The following MROH9 variants were observed in gnomAD, a reference collection of about 807,000 sequenced individuals.
MROH9 encodes the protein maestro heat like repeat family member 9.
A neutral mutation model predicts 98.2 loss-of-function variants in MROH9; 92 were observed. That is an observed-to-expected ratio of 0.94 (90% CI 0.79 to 1.11). The LOEUF is 1.11. MROH9 is among the 50% of genes most tolerant of loss of function. The probability of loss-of-function intolerance (pLI) is 0.00; values close to 1 mark genes in which losing one functional copy is unlikely to be tolerated. For missense variants in MROH9, 1,057 were observed against 1,014.8 expected, an observed-to-expected ratio of 1.04 and a Z score of -0.57; for synonymous variants, 397 against 368.9, an observed-to-expected ratio of 1.08 and a Z score of -0.87.
chr1:170,967,361 T>A (rs2050150), intron 7 of MROH9, among the ~76,000 whole-genome samples: 129,168 of 152,196 alleles, frequency 0.85, 55,245 homozygotes, highest in Middle Eastern at 0.98. Context: ...CTTTAAAATA[T>A]TGTCTTGTAA....
In MROH9 at chr1:170,947,593, G is replaced by C. The variant is rs752148352; in HGVS notation, c.72+20G>C. 2.5e-6 allele frequency: 4 copies of C among 1,585,184 alleles called. No individual in the cohort carries two copies. The highest frequency in any genetic ancestry group is 3.5e-6 in the Non-Finnish European group (4 of 1,156,286). ...CACATGGTAAGTGATATTCTATAAG[G>C]ATATCAACGTAACTGAATTCTCTTG... On this transcript the variant is annotated intron_variant, in intron 3 of 21. Transcript: ENST00000367759.
intron 8 of MROH9, among the ~76,000 whole-genome samples, chr1:170,979,747 A>G (rs935909494): frequency 6.6e-6 from 1 of 152,200 alleles, no homozygotes; most frequent in African/African-American, 2.4e-5. Flanking sequence ...AAAGACCCAT[A>G]TTCAAAGTTC....
chr1:170,988,500 A>G lies in MROH9; in HGVS notation c.880-1355A>G, dbSNP rs28378010. ...GAAGGCTTACCAAGTCCCTGAGAGA[A>G]AGAGAGACCAAACAGAAAACTAGAT... On this transcript the variant is annotated intron_variant, in intron 10 of 21. Transcript: ENST00000367759. 9.9e-3 allele frequency among the ~76,000 whole-genome samples: 1,501 copies of G among 152,280 alleles called. 22 individuals are homozygous for G. The highest frequency in any genetic ancestry group is 0.035 in the African/African-American group (1,434 of 41,556).
chr1:170,987,009 C>T (rs751751979), intron 10 of MROH9, among the ~76,000 whole-genome samples: 1 of 151,660 alleles, frequency 6.6e-6, no homozygotes, highest in African/African-American at 2.4e-5. Context: ...TACCACCACA[C>T]CCGGCTAATT....
chr1:170,968,748 C>CA (rs927042317), intron 7 of MROH9, among the ~76,000 whole-genome samples: 1 of 149,316 alleles, frequency 6.7e-6, no homozygotes, highest in African/African-American at 2.5e-5. Context: ...ACCCCATCTC[C>CA]AAAAAAAGTA....
chr1:171,007,058 G>A (rs1333196605), intron 15 of MROH9, among the ~76,000 whole-genome samples: 1 of 152,116 alleles, frequency 6.6e-6, no homozygotes, highest in Non-Finnish European at 1.5e-5. Flanking sequence ...TTTTGCATTG[G>A]TTTCTGTGTA....
chr1:171,027,777 G>T (rs1281563838), intron 20 of MROH9, among the ~76,000 whole-genome samples: 1 of 152,104 alleles, frequency 6.6e-6, no homozygotes, highest in Non-Finnish European at 1.5e-5. Flanking sequence ...TCTCATTATA[G>T]TTTGATTTGC....
At chr1:171,049,358 C>T (rs1284179829) in intron 20 of MROH9, among the ~76,000 whole-genome samples, 1 of 152,182 alleles carries the variant, frequency 6.6e-6, no homozygotes, top group African/African-American at 2.4e-5. Flanking sequence ...CTAAGAGGGT[C>T]TCTGGGTGCC....
Position 171,013,829 on chromosome 1 carries a change from A to T in MROH9, c.1597-288A>T, listed in dbSNP as rs16863937. 8.0e-3 allele frequency among the ~76,000 whole-genome samples: 1,214 copies of T among 151,832 alleles called. 17 individuals carry two copies. The highest frequency in any genetic ancestry group is 0.028 in the African/African-American group (1,155 of 41,394). On this transcript the variant is annotated intron_variant, in intron 15 of 21. Coordinates refer to ENST00000367759, the MANE Select transcript of MROH9 (RefSeq NM_001163629.2). ...CAATCAGTATGATGGGGAAATTTAA[A>T]TTGGGTCACTCAGTTTCCAACAATG...
In MROH9 at chr1:171,016,202, G is replaced by T. The variant is rs967873936; in HGVS notation, c.1774G>T (p.Ala592Ser). 6.5e-7 allele frequency: 1 copy of T among 1,534,084 alleles called. No individual in the cohort carries two copies. The highest frequency in any genetic ancestry group is 2.1e-5 in the Admixed American group (1 of 47,766). Residue 592 changes from alanine to serine, a missense_variant, in exon 17 of 22, where the codon GCC becomes TCC. Physicochemically the swap from Ala to Ser is moderately conservative, Grantham distance 99. Coordinates refer to ENST00000367759, the MANE Select transcript of MROH9 (RefSeq NM_001163629.2). Reference sequence around the variant, plus strand: ...CAGTATATTAATAGCCATCCTGGATGCCTTCCTTTCCAAAGACGATAATGT... The same window carrying T: ...CAGTATATTAATAGCCATCCTGGATTCCTTCCTTTCCAAAGACGATAATGT... The part of the protein sequence containing the change: ...VSSILIAILD[A>S]FLSKDDNVVL...
rs778343986 is a variant in MROH9 at position 170,983,583 on chromosome 1, T to C, written c.729+49T>C. 15 of 1,044,382 alleles carry C rather than the reference T, an allele frequency of 1.4e-5. 1 individual carries two copies. Among genetic ancestry groups the C allele is most frequent in the Middle Eastern group, 4.1e-4 (2 of 4,862 alleles). 64.7% of individuals were successfully genotyped at this position (1,044,382 alleles called of 1,614,324 possible). The stretch of plus-strand genomic sequence containing the variant: ...GAGGGCTTTTGTTTATGTGTATGAT[T>C]ACTCTTAGTAACAATTTATTTCAAC... On this transcript the variant is annotated intron_variant, in intron 9 of 21. Transcript: ENST00000367759.
intron 20 of MROH9, among the ~76,000 whole-genome samples, chr1:171,051,781 C>A (rs1481656222): frequency 6.6e-6 from 1 of 152,094 alleles, no homozygotes; most frequent in African/African-American, 2.4e-5. Context: ...AAAAAAATTT[C>A]TATTTTCATC....
intron 9 of MROH9, among the ~76,000 whole-genome samples, chr1:170,986,071 T>C (rs1651120667): frequency 6.6e-6 from 1 of 152,182 alleles, no homozygotes; most frequent in South Asian, 2.1e-4. Context: ...GTCCTCTAAC[T>C]TTAAAAAGGG....
At chr1:170,990,082 C>T in intron 11 of MROH9, 79 bp downstream of exon 11, 1 of 1,395,776 alleles carries the variant, frequency 7.2e-7, no homozygotes, top group Non-Finnish European at 9.7e-7. Context: ...GGGTTCAACT[C>T]TCAATCTACC....
chr1:170,958,662 T>C (rs17563130), intron 4 of MROH9, 122 bp downstream of exon 4: 55,739 of 641,880 alleles, frequency 0.087, 2,904 homozygotes, highest in Non-Finnish European at 0.1. Flanking sequence ...CATAATTTGG[T>C]GACTACTATT....
intron 6 of MROH9, among the ~76,000 whole-genome samples, chr1:170,963,879 G>A (rs1447938437): frequency 6.6e-6 from 1 of 152,006 alleles, no homozygotes; most frequent in Non-Finnish European, 1.5e-5. Flanking sequence ...AATAATTAAT[G>A]GGTACTAGGC....
At chr1:171,030,219 T>A (rs921717893) in intron 20 of MROH9, among the ~76,000 whole-genome samples, 4 of 152,206 alleles carry the variant, frequency 2.6e-5, no homozygotes, top group African/African-American at 9.7e-5. Flanking sequence ...TCTATTTTGT[T>A]AGTCTTTTTG....
chr1:170,957,967 C>T (rs989551527), intron 3 of MROH9, among the ~76,000 whole-genome samples: 43 of 152,234 alleles, frequency 2.8e-4, no homozygotes, highest in Non-Finnish European at 5.1e-4. Context: ...CGCTACCACG[C>T]CCGGCTAATT....
At position 170,971,782 on chromosome 1, in the gene MROH9, C is replaced by T. The variant is rs1411332112; in HGVS notation, c.515C>T (p.Ala172Val). ...SVDAPCLGLL[A>V]AELSLLCSHE... ...GATGCTCCATGTTTGGGTCTCCTGG[C>T]AGCAGAGCTGTCTCTTTTGTGTTCC... The change falls in exon 8 of 22, where the codon GCA (alanine) becomes GTA (valine). Residue 172 changes from alanine (A) to valine (V), a missense_variant. Coordinates refer to ENST00000367759, the MANE Select transcript of MROH9 (RefSeq NM_001163629.2). 2 of 1,614,054 alleles carry T rather than the reference C, an allele frequency of 1.2e-6. No homozygotes were observed. Among genetic ancestry groups the T allele is most frequent in the African/African-American group, 1.3e-5 (1 of 75,030 alleles).
Sources: allele counts gnomAD v4.1 joint callset (sites outside exome capture counted in the v4.1 genomes callset), GRCh38; gene constraint gnomAD v4.1.1; transcripts MANE v1.5; gene names NCBI Gene and HGNC (gene_info 2026-07-23, HGNC 2026-07-21).